Variants in ATXN10 observed in about 807,000 individuals in gnomAD.
ATXN10 encodes ataxin 10, also known as ataxin-10.
In ATXN10, 28 loss-of-function variants were observed where a neutral mutation model predicts 52.9. The ratio of observed to expected loss-of-function variants is 0.53; its 90% CI spans 0.39 to 0.73. ATXN10 has a LOEUF of 0.73. ATXN10 is among the 30% of genes least tolerant of loss of function. The probability of loss-of-function intolerance (pLI) is 0.00; values close to 1 mark genes in which losing one functional copy is unlikely to be tolerated. For synonymous variants in ATXN10, 226 were observed against 221.5 expected, an observed-to-expected ratio of 1.02 and a Z score of -0.18; for missense variants, 565 against 577.0, an observed-to-expected ratio of 0.98 and a Z score of 0.21.
rs769551020 is a variant in ATXN10 at position 45,750,472 on chromosome 22, C to CT, written c.1173+9935dup. ...TCACAGTATCCAAAAAGAAGAATATCTGAGACTTGGGTGAGGGGAAAACCA... is the reference window on the plus strand; with the variant it reads ...TCACAGTATCCAAAAAGAAGAATATCTTGAGACTTGGGTGAGGGGAAAACCA... On this transcript the variant is annotated intron_variant, in intron 9 of 11. Coordinates refer to ENST00000252934, the MANE Select transcript of ATXN10 (RefSeq NM_013236.4). The surrounding 1 kb of genome is among the most constrained non-coding windows in gnomAD (Gnocchi z 4.2). 6.6e-5 allele frequency among the ~76,000 whole-genome samples: 10 copies of CT among 152,146 alleles called. No individual in the cohort carries two copies. The highest frequency in any genetic ancestry group is 1.5e-4 in the Non-Finnish European group (10 of 68,018).
intron 7 of ATXN10, among the ~76,000 whole-genome samples, chr22:45,735,284 C>A (rs1487825970): frequency 6.6e-6 from 1 of 151,796 alleles, no homozygotes; most frequent in Non-Finnish European, 1.5e-5. Context: ...ATAATCTTAT[C>A]CTTTCCACTA....
At chr22:45,682,508 C>G (rs2067308792) in intron 1 of ATXN10, among the ~76,000 whole-genome samples, 2 of 152,142 alleles carry the variant, frequency 1.3e-5, no homozygotes, top group African/African-American at 2.4e-5. Context: ...CAGGGTCTTA[C>G]CATGTTGCCC....
At chr22:45,707,521 TTC>T (rs1474524043) in intron 5 of ATXN10, among the ~76,000 whole-genome samples, 1 of 151,354 alleles carries the variant, frequency 6.6e-6, no homozygotes, top group Non-Finnish European at 1.5e-5. Context: ...TGTAGCTGAG[TTC>T]TGTTTTATTT....
intron 9 of ATXN10, chr22:45,740,743 T>C (rs1430170424): frequency 1.9e-4 from 69 of 360,006 alleles, no homozygotes; most frequent in African/African-American, 1.5e-3. Flanking sequence ...CACACACGTG[T>C]GTGTGTGTGT....
At chr22:45,734,201 T>G (rs1925198970) in intron 7 of ATXN10, among the ~76,000 whole-genome samples, 1 of 152,196 alleles carries the variant, frequency 6.6e-6, no homozygotes, top group Non-Finnish European at 1.5e-5. Flanking sequence ...GAATTATGTG[T>G]ATTTAAAAAC....
chr22:45,693,032 T>G lies in ATXN10; in HGVS notation c.345T>G (p.Ile115Met). The G allele has an allele frequency of 6.2e-7, 1 of 1,614,164 alleles. No homozygotes were observed. Among genetic ancestry groups the G allele is most frequent in the South Asian group, 1.1e-5 (1 of 91,080 alleles). Residue 115 changes from isoleucine to methionine, a missense_variant, in exon 3 of 12, where the codon ATT (isoleucine) becomes ATG (methionine). By Grantham distance (10) the Ile-to-Met change is conservative. Coordinates refer to ENST00000252934, the MANE Select transcript of ATXN10 (RefSeq NM_013236.4). ...CGATTGGTGTTGCTGTTGATTTGAT[T>G]CTTCTGTTTCGTGAACTGCGAGTGG... ...LDTIGVAVDL[I>M]LLFRELRVEQ...
rs1212073035 is a variant in ATXN10, at chr22:45,843,765, T to A, written c.*94T>A. ...GAAATTGCAAGTGTTTGAAGATTTA[T>A]AAGTACAAATTTGGGAACATACAAA... On this transcript the variant is annotated 3_prime_UTR_variant, in exon 12 of 12. Transcript: ENST00000252934. The surrounding 1 kb of genome is among the most constrained non-coding windows in gnomAD (Gnocchi z 4.5). The A allele has an allele frequency of 7.9e-7, 1 of 1,273,422 alleles. No homozygotes were observed. The highest frequency in any genetic ancestry group is 2.4e-5 in the East Asian group (1 of 42,296). 78.9% of individuals were successfully genotyped at this position (1,273,422 alleles called of 1,614,324 possible).
At chr22:45,724,899 A>G (rs1320194302) in intron 6 of ATXN10, among the ~76,000 whole-genome samples, 2 of 152,080 alleles carry the variant, frequency 1.3e-5, no homozygotes, top group Non-Finnish European at 2.9e-5. Context: ...AGAACCATTT[A>G]TTGAATAGGA....
At chr22:45,807,175 G>T in intron 10 of ATXN10, 153 bp downstream of exon 10, 1 of 733,302 alleles carries the variant, frequency 1.4e-6, no homozygotes. Flanking sequence ...CAGAGTTATG[G>T]TGCTAGAATA....
chr22:45,813,400 G>T (rs1293882262), intron 10 of ATXN10, among the ~76,000 whole-genome samples: 1 of 147,860 alleles, frequency 6.8e-6, no homozygotes, highest in Non-Finnish European at 1.5e-5. Context: ...TGAGAGTCCA[G>T]ACTGGGTTGT....
intron 5 of ATXN10, among the ~76,000 whole-genome samples, chr22:45,704,492 TG>T (rs1923963599): frequency 6.6e-6 from 1 of 152,170 alleles, no homozygotes; most frequent in African/African-American, 2.4e-5. Context: ...CTATGAGTTT[TG>T]GGTGTCGTTA....
At chr22:45,730,487 A>T (rs1263840864) in intron 7 of ATXN10, among the ~76,000 whole-genome samples, 1 of 152,176 alleles carries the variant, frequency 6.6e-6, no homozygotes, top group Admixed American at 6.5e-5. Context: ...AAGCTGGAGC[A>T]CAGTGGCACA....
In ATXN10 at chr22:45,843,739, T is replaced by C. The variant is rs1929423810; in HGVS notation, c.*68T>C. The C allele has an allele frequency of 1.4e-6, 2 of 1,467,414 alleles. No homozygotes were observed. The highest frequency in any genetic ancestry group is 3.4e-5 in the Admixed American group (2 of 58,106). 90.9% of individuals were successfully genotyped at this position (1,467,414 alleles called of 1,614,324 possible). The stretch of plus-strand genomic sequence containing the variant: ...TGGATTTTTCATCTTCTACCGTATG[T>C]GAAATTGCAAGTGTTTGAAGATTTA... On this transcript the variant is annotated 3_prime_UTR_variant, in exon 12 of 12. Coordinates refer to ENST00000252934, the MANE Select transcript of ATXN10 (RefSeq NM_013236.4). The surrounding 1 kb of genome is among the most constrained non-coding windows in gnomAD (Gnocchi z 4.5).
intron 5 of ATXN10, among the ~76,000 whole-genome samples, chr22:45,714,472 C>T (rs1924370676): frequency 6.6e-6 from 1 of 152,070 alleles, no homozygotes; most frequent in African/African-American, 2.4e-5. Flanking sequence ...CCTCAATCTC[C>T]CAGGCTCAAG....
At chr22:45,679,534 A>G (rs918131434) in intron 1 of ATXN10, 10 of 152,246 alleles carry the variant, frequency 6.6e-5, no homozygotes, top group African/African-American at 2.4e-4. Context: ...ACACACGCAC[A>G]TGGATTTTCC....
chr22:45,690,020 C>CCCAG lies in ATXN10; in HGVS notation c.308+119_308+122dup. ...GGGTAAGGTGGCTCATGCCTGTAAT[C>CCCAG]CCAGCATTTTGGGAGGCTGAGGCAG... On this transcript the variant is annotated intron_variant, in intron 2 of 11. Transcript: ENST00000252934. The surrounding 1 kb of genome is among the most constrained non-coding windows in gnomAD (Gnocchi z 4.5). 1 of 1,072,882 alleles carries CCCAG rather than the reference C, an allele frequency of 9.3e-7. No homozygotes were observed. Among genetic ancestry groups the CCCAG allele is most frequent in the Non-Finnish European group, 1.4e-6 (1 of 718,682 alleles). The allele number at this position is 1,072,882 out of a possible 1,614,324, so 66.5% of individuals were successfully genotyped here.
Position 45,803,406 on chromosome 22 carries a change from C to T in ATXN10, c.1174-3553C>T, listed in dbSNP as rs186167293. On this transcript the variant is annotated intron_variant, in intron 9 of 11. Coordinates refer to ENST00000252934, the MANE Select transcript of ATXN10 (RefSeq NM_013236.4). ...TTATTTAATTCCTGTTCATTCTTCT[C>T]ATCTTAAGCTAAATGCCACTTCTTT... 4.8e-4 allele frequency among the ~76,000 whole-genome samples: 73 copies of T among 152,328 alleles called. 1 individual carries two copies. In the East Asian group the frequency reaches 0.011, roughly 23 times the overall value.
rs1344868624 is a variant in ATXN10, at chr22:45,736,133, TTCTG to T, written c.895-2595_895-2592del. On this transcript the variant is annotated intron_variant, in intron 7 of 11. Coordinates refer to ENST00000252934, the MANE Select transcript of ATXN10 (RefSeq NM_013236.4). Reference sequence around the variant, plus strand: ...CATCTCTTCCAACCTCTAATTTTATTTCTGTCATTTTAACGTGGAAAATTTCAAA... The same window carrying T: ...CATCTCTTCCAACCTCTAATTTTATTTCATTTTAACGTGGAAAATTTCAAA... 2.0e-5 allele frequency among the ~76,000 whole-genome samples: 3 copies of T among 152,126 alleles called. No homozygotes were observed. The East Asian group carries it at 5.8e-4, about 29-fold the overall frequency.
chr22:45,717,195 A>G (rs373589449), intron 5 of ATXN10, among the ~76,000 whole-genome samples: 31 of 151,482 alleles, frequency 2.0e-4, no homozygotes, highest in African/African-American at 6.8e-4. Flanking sequence ...CCCCCAGCCT[A>G]TTGGTTAGAT....
Sources: allele counts gnomAD v4.1 joint callset (sites outside exome capture counted in the v4.1 genomes callset), GRCh38; gene constraint gnomAD v4.1.1; non-coding constraint Gnocchi (gnomAD v3.1); transcripts MANE v1.5; gene names NCBI Gene and HGNC (gene_info 2026-07-23, HGNC 2026-07-21).